The following PHLDB1 variants were observed in gnomAD, a reference collection of about 807,000 sequenced individuals.
PHLDB1 encodes pleckstrin homology-like domain family B member 1.
A neutral mutation model predicts 139.3 loss-of-function variants in PHLDB1; 65 were observed. The observed-to-expected ratio is 0.47, with a 90% CI of 0.38 to 0.57. The LOEUF (loss-of-function observed/expected upper bound fraction) is 0.57, where lower values mean the gene tolerates loss of function less well. Ranked by LOEUF, PHLDB1 falls within the 20% of genes least tolerant of loss-of-function variation. The pLI is 0.00. For missense variants in PHLDB1, 1,624 were observed against 1,839.7 expected (o/e 0.88, Z 2.14); for synonymous variants, 679 against 734.5 (o/e 0.92, Z 1.22).
chr11:118,647,881 G>A (rs1214027385), intron 17 of PHLDB1, 49 bp from the exon 18 acceptor site: 7 of 1,539,248 alleles, frequency 4.5e-6, no homozygotes, highest in African/African-American at 4.1e-5. Context: ...GAGGGCCAGT[G>A]GGGGGAAGAG....
chr11:118,631,824 A>G, intron 7 of PHLDB1, 89 bp from the exon 8 acceptor site: 1 of 1,421,566 alleles, frequency 7.0e-7, no homozygotes, highest in Non-Finnish European at 9.5e-7. Context: ...ATTCCTCAGC[A>G]AGTGCCTGGA....
In PHLDB1 at chr11:118,611,665, G is replaced by A. The variant is rs2135672281; in HGVS notation, c.-21-2151G>A. On this transcript the variant is annotated intron_variant, in intron 1 of 22. Coordinates refer to ENST00000600882, the MANE Select transcript of PHLDB1 (RefSeq NM_001144758.3). This position sits in a 1 kb window ranked among gnomAD's most constrained non-coding sequence, Gnocchi z 4.7. ...GAGGTCGGGAGTTCGAGACCAGCCT[G>A]ACCAACATGGAGAAACCCCGTCTCT... Among the ~76,000 whole-genome samples the A allele has an allele frequency of 1.3e-5, 2 of 152,160 alleles. 1 individual carries two copies.
chr11:118,614,379 T>G (rs1006935018), intron 2 of PHLDB1, among the ~76,000 whole-genome samples, 180 bp from the exon 3 acceptor site: 2 of 151,286 alleles, frequency 1.3e-5, no homozygotes, highest in Middle Eastern at 3.5e-3. Flanking sequence ...GTGGCCTAGA[T>G]TCAGATCTAA....
Position 118,613,868 on chromosome 11 carries a change from C to G in PHLDB1, c.32C>G (p.Pro11Arg). 6.2e-7 allele frequency: 1 copy of G among 1,611,812 alleles called. No homozygotes were observed. Among genetic ancestry groups the G allele is most frequent in the South Asian group, 1.1e-5 (1 of 90,892 alleles). MDALNRNQIG[P>R]GCQTQTMVQK... ...GCTCTCAATAGGAACCAAATAGGCCCTGGATGCCAGACCCAGACCATGGTG... is the reference window on the plus strand; with the variant it reads ...GCTCTCAATAGGAACCAAATAGGCCGTGGATGCCAGACCCAGACCATGGTG... The change falls in exon 2 of 23, where the codon CCT becomes CGT. Residue 11 changes from proline to arginine, a missense_variant. Coordinates refer to ENST00000600882, the MANE Select transcript of PHLDB1 (RefSeq NM_001144758.3).
At chr11:118,643,028 C>T (rs1175171651) in intron 13 of PHLDB1, among the ~76,000 whole-genome samples, 1 of 152,190 alleles carries the variant, frequency 6.6e-6, no homozygotes, top group Non-Finnish European at 1.5e-5. Context: ...CTAAGATTGA[C>T]CATTTAAGAT....
chr11:118,646,759 C>T (rs1329614427), intron 17 of PHLDB1: 1 of 152,204 alleles, frequency 6.6e-6, no homozygotes, highest in Non-Finnish European at 1.5e-5. Context: ...ATTGGAGGCA[C>T]TCTGCATATT....
At chr11:118,617,470 C>T (rs1941874747) in intron 4 of PHLDB1, among the ~76,000 whole-genome samples, 1 of 152,002 alleles carries the variant, frequency 6.6e-6, no homozygotes, top group African/African-American at 2.4e-5. Context: ...GACATTTCCC[C>T]CGTCTTTTTT....
At chr11:118,642,645 T>C (rs1240935417) in intron 13 of PHLDB1, among the ~76,000 whole-genome samples, 4 of 152,226 alleles carry the variant, frequency 2.6e-5, no homozygotes. Context: ...ATTCTGGAGC[T>C]GTGGTCAGTT....
chr11:118,650,978 C>T lies in PHLDB1; in HGVS notation c.3874+431C>T, dbSNP rs1201541326. The T allele has an allele frequency of 2.0e-5, 4 of 202,570 alleles. No individual in the cohort carries two copies. The East Asian group carries it at 5.1e-4, about 26-fold the overall frequency. 12.5% of individuals were successfully genotyped at this position (202,570 alleles called of 1,614,324 possible). ...CCTTGGACAAATTCCATCAGAGATT[C>T]CAAGACAAGCAGTTGAACAGTGCCA... is the stretch of plus-strand genomic sequence containing the variant. On this transcript the variant is annotated intron_variant, in intron 20 of 22. Coordinates refer to ENST00000600882, the MANE Select transcript of PHLDB1 (RefSeq NM_001144758.3). This position sits in a 1 kb window ranked among gnomAD's most constrained non-coding sequence, Gnocchi z 4.7.
chr11:118,632,401 G>A lies in PHLDB1; in HGVS notation c.2379+105G>A. 8.4e-7 allele frequency: 1 copy of A among 1,184,206 alleles called. No individual in the cohort carries two copies. The highest frequency in any genetic ancestry group is 1.2e-6 in the Non-Finnish European group (1 of 821,284). 73.4% of individuals were successfully genotyped at this position (1,184,206 alleles called of 1,614,324 possible). A position where few individuals can be genotyped will look rare whatever the true frequency, so the allele number is the denominator to read the frequency against. On this transcript the variant is annotated intron_variant, in intron 9 of 22. Coordinates refer to ENST00000600882, the MANE Select transcript of PHLDB1 (RefSeq NM_001144758.3). This position sits in a 1 kb window ranked among gnomAD's most constrained non-coding sequence, Gnocchi z 5.9. ...TACCCTTCACCTCATCATCCATTCT[G>A]CAGTACAAGTGGTCTCTGTGGCTTT...
chr11:118,607,012 G>T (rs1377065754), upstream of PHLDB1, among the ~76,000 whole-genome samples: 1 of 152,022 alleles, frequency 6.6e-6, no homozygotes, highest in Non-Finnish European at 1.5e-5. Context: ...AGCCTGATGT[G>T]CGTGGCTATC....
In PHLDB1 at chr11:118,628,177, G is replaced by A; in HGVS notation, c.1354G>A (p.Asp452Asn). ...ESPRLGRRGL[D>N]SMRELPPLSP... ...TCCCCGCCTGGGCCGGCGGGGCCTG[G>A]ACAGTATGCGAGAACTACCCCCCTT... is the stretch of plus-strand genomic sequence containing the variant. The change falls in exon 6 of 23, where the codon GAC becomes AAC. Residue 452 changes from aspartate (D) to asparagine (N), a missense_variant. Coordinates refer to ENST00000600882, the MANE Select transcript of PHLDB1 (RefSeq NM_001144758.3). 6.2e-7 allele frequency: 1 copy of A among 1,614,094 alleles called. No individual in the cohort carries two copies.
At position 118,655,544 on chromosome 11, in the gene PHLDB1, G is replaced by A. The variant is rs373467065; in HGVS notation, c.3875-61G>A. 2.4e-4 allele frequency: 249 copies of A among 1,050,416 alleles called. 1 individual carries two copies. In the African/African-American group the frequency reaches 2.8e-3, roughly 12 times the overall value. 65.1% of individuals were successfully genotyped at this position (1,050,416 alleles called of 1,614,324 possible). On this transcript the variant is annotated intron_variant, in intron 20 of 22. Transcript: ENST00000600882. ...GGAAGCTCAGGCCATGGAGCTCCAC[G>A]TAAATGGAGCTAGACCTGAAGTGTG... is the stretch of plus-strand genomic sequence containing the variant.
intron 9 of PHLDB1, chr11:118,635,010 C>T (rs1555114153): frequency 2.1e-6 from 1 of 476,490 alleles, no homozygotes; most frequent in Admixed American, 2.3e-5. Flanking sequence ...CGATAACTGC[C>T]CCGAGTCAGT....
chr11:118,624,239 G>A (rs1275866283), intron 4 of PHLDB1: 1 of 152,168 alleles, frequency 6.6e-6, no homozygotes, highest in Non-Finnish European at 1.5e-5. Flanking sequence ...CACATACACT[G>A]TCTTATTAAC....
chr11:118,635,065 C>A, intron 9 of PHLDB1: 1 of 493,722 alleles, frequency 2.0e-6, no homozygotes, highest in East Asian at 4.6e-5. Context: ...AGTTCCACCG[C>A]CCCCCCTCCC....
intron 13 of PHLDB1, among the ~76,000 whole-genome samples, chr11:118,643,044 C>T (rs549954880): frequency 6.6e-6 from 1 of 152,224 alleles, no homozygotes; most frequent in Non-Finnish European, 1.5e-5. Flanking sequence ...AAGATCACCC[C>T]TTGAGTGAAG....
At chr11:118,609,893 A>C (rs1939832766) in intron 1 of PHLDB1, among the ~76,000 whole-genome samples, 1 of 151,508 alleles carries the variant, frequency 6.6e-6, no homozygotes. Flanking sequence ...CGGACACCCA[A>C]GCAACAGCCC....
At chr11:118,626,101 T>C (rs1048119360) in intron 5 of PHLDB1, among the ~76,000 whole-genome samples, 10 of 152,146 alleles carry the variant, frequency 6.6e-5, no homozygotes, top group African/African-American at 2.4e-4. Context: ...AATGGGATAA[T>C]TGGAGGCACT....
Sources: allele counts gnomAD v4.1 joint callset (sites outside exome capture counted in the v4.1 genomes callset), GRCh38; gene constraint gnomAD v4.1.1; non-coding constraint Gnocchi (gnomAD v3.1); transcripts MANE v1.5; gene names NCBI Gene and HGNC (gene_info 2026-07-23, HGNC 2026-07-21).